Variants in CTNNA3 observed in about 807,000 individuals in gnomAD.
The protein encoded by CTNNA3 is catenin alpha 3.
A neutral mutation model predicts 95.7 loss-of-function variants in CTNNA3; 76 were observed. The ratio of observed to expected loss-of-function variants is 0.79; its 90% confidence interval spans 0.66 to 0.96. CTNNA3 has a LOEUF of 0.96. Among genes scored for constraint, CTNNA3 ranks in the 40% least tolerant of loss-of-function variants. CTNNA3 has a pLI of 0.00. For missense variants in CTNNA3, 1,191 were observed against 1,089.8 expected (o/e 1.09, Z -1.31); for synonymous variants, 431 against 374.4 (o/e 1.15, Z -1.74).
Position 67,149,473 on chromosome 10 carries a change from T to C in CTNNA3, c.1047+30844A>G, listed in dbSNP as rs748002428. On this transcript the variant is annotated intron_variant, in intron 7 of 17. Transcript: ENST00000433211. ...GGTGACAGGCGCCTGTAGTCCCAGC[T>C]TCTCGGGAGGCTGAGGCAGGAAAAT... Among the ~76,000 whole-genome samples the C allele has an allele frequency of 1.1e-4, 17 of 152,026 alleles. 1 individual carries two copies. Among genetic ancestry groups the C allele is most frequent in the Non-Finnish European group, 2.1e-4 (14 of 67,978 alleles).
At chr10:67,586,555 A>G (rs1842633985) in intron 3 of CTNNA3, among the ~76,000 whole-genome samples, 1 of 152,104 alleles carries the variant, frequency 6.6e-6, no homozygotes, top group Admixed American at 6.6e-5. Flanking sequence ...CTATCATTAT[A>G]TAATGATCTT....
intron 10 of CTNNA3, among the ~76,000 whole-genome samples, chr10:66,605,300 T>C (rs1844079044): frequency 6.6e-6 from 1 of 152,094 alleles, no homozygotes. Flanking sequence ...AAGATAAATA[T>C]GAGATTATGT....
chr10:67,646,868 CAG>C (rs1384131788), intron 2 of CTNNA3, among the ~76,000 whole-genome samples: 1 of 152,070 alleles, frequency 6.6e-6, no homozygotes, highest in African/African-American at 2.4e-5. Context: ...TAAAAAAAGT[CAG>C]AGAATCATTA....
intron 5 of CTNNA3, among the ~76,000 whole-genome samples, chr10:67,519,661 C>T (rs1483863906): frequency 6.6e-6 from 1 of 152,106 alleles, no homozygotes; most frequent in Non-Finnish European, 1.5e-5. Flanking sequence ...TTAAAGGTGA[C>T]AGACGAGGCC....
chr10:66,356,117 G>GTTTTTTT (rs1275052192), intron 12 of CTNNA3, among the ~76,000 whole-genome samples: 2 of 104,728 alleles, frequency 1.9e-5, no homozygotes, highest in African/African-American at 7.8e-5. Context: ...TTGTTTGCTT[G>GTTTTTTT]TTTTGTTTTT....
intron 5 of CTNNA3, among the ~76,000 whole-genome samples, chr10:67,276,934 A>G (rs1839200583): frequency 1.3e-5 from 2 of 152,166 alleles, no homozygotes; most frequent in African/African-American, 2.4e-5. Flanking sequence ...GTTTTATAAC[A>G]TATGTTCATC....
chr10:67,587,534 T>A (rs1216696988), intron 3 of CTNNA3, among the ~76,000 whole-genome samples: 2 of 152,178 alleles, frequency 1.3e-5, no homozygotes, highest in African/African-American at 4.8e-5. Flanking sequence ...GAATATATCA[T>A]GCAATTCTTT....
chr10:66,487,497 A>G (rs1839780671), intron 11 of CTNNA3, among the ~76,000 whole-genome samples: 1 of 151,972 alleles, frequency 6.6e-6, no homozygotes, highest in South Asian at 2.1e-4. Context: ...AAGTGCTGAG[A>G]TTACAGGCGC....
intron 5 of CTNNA3, among the ~76,000 whole-genome samples, chr10:67,220,712 G>C (rs1370146493): frequency 6.6e-6 from 1 of 152,070 alleles, no homozygotes; most frequent in Non-Finnish European, 1.5e-5. Flanking sequence ...GAGAAGAGAG[G>C]AAAGAGAATG....
At chr10:66,422,505 G>A (rs1279885968) in intron 11 of CTNNA3, among the ~76,000 whole-genome samples, 1 of 151,750 alleles carries the variant, frequency 6.6e-6, no homozygotes, top group Non-Finnish European at 1.5e-5. Flanking sequence ...CATCATTGAT[G>A]ATCTTTTTGT....
rs3057678 is a variant in CTNNA3, at chr10:67,350,910, GTATA to G, written c.580-131044_580-131041del. Among the ~76,000 whole-genome samples the G allele has an allele frequency of 7.4e-3, 1,044 of 141,810 alleles. 22 individuals are homozygous for G. Among genetic ancestry groups the G allele is most frequent in the African/African-American group, 0.025 (976 of 38,704 alleles). The allele number at this position is 141,810 out of a possible 152,430, so 93.0% of individuals were successfully genotyped here. A position where few individuals can be genotyped will look rare whatever the true frequency, so the allele number is the denominator to read the frequency against. On this transcript the variant is annotated intron_variant, in intron 5 of 17. Transcript: ENST00000433211. ...AAATCTGTATGTGAAAAAAGTATGT[GTATA>G]TATATATATATATATATGCATTATT...
At chr10:66,936,023 T>A (rs1847675761) in intron 7 of CTNNA3, among the ~76,000 whole-genome samples, 2 of 152,164 alleles carry the variant, frequency 1.3e-5, no homozygotes, top group South Asian at 4.1e-4. Flanking sequence ...GCCAGTATAG[T>A]GTTCCTTCCA....
intron 6 of CTNNA3, among the ~76,000 whole-genome samples, chr10:67,198,141 G>A (rs1395677190): frequency 6.6e-6 from 1 of 152,112 alleles, no homozygotes; most frequent in African/African-American, 2.4e-5. Flanking sequence ...CATGTGAGTA[G>A]TGGCTACTAT....
chr10:66,508,340 C>T (rs1294663732), intron 11 of CTNNA3, among the ~76,000 whole-genome samples: 16 of 151,566 alleles, frequency 1.1e-4, no homozygotes, highest in Non-Finnish European at 2.9e-5. Context: ...TTAGAAACGG[C>T]GTTCACTTCA....
intron 7 of CTNNA3, among the ~76,000 whole-genome samples, chr10:67,002,854 A>AT (rs1851763262): frequency 6.6e-6 from 1 of 152,130 alleles, no homozygotes; most frequent in African/African-American, 2.4e-5. Context: ...ATAAAAAACA[A>AT]TTTTTTAATA....
At chr10:66,790,235 G>A (rs1323972682) in intron 7 of CTNNA3, among the ~76,000 whole-genome samples, 1 of 152,148 alleles carries the variant, frequency 6.6e-6, no homozygotes, top group East Asian at 1.9e-4. Flanking sequence ...GATCGCCTGA[G>A]GTCAGGAGTT....
At chr10:66,018,566 T>C (rs557827519) in intron 15 of CTNNA3, among the ~76,000 whole-genome samples, 14 of 152,246 alleles carry the variant, frequency 9.2e-5, no homozygotes, top group African/African-American at 2.9e-4. Context: ...TATATTGCAA[T>C]ATTACTTACT....
rs548542397 is a variant in CTNNA3 at position 66,920,213 on chromosome 10, A to G, written c.1048-144689T>C. Among the ~76,000 whole-genome samples, 67 of 152,340 alleles carry G rather than the reference A, an allele frequency of 4.4e-4. No homozygotes were observed. In the Middle Eastern group the frequency reaches 0.014, roughly 31 times the overall value. On this transcript the variant is annotated intron_variant, in intron 7 of 17. Coordinates refer to ENST00000433211, the MANE Select transcript of CTNNA3 (RefSeq NM_013266.4). ...ATCTGTAACACTTTATAAATATTGT[A>G]CAATGTACTTACTCATAAATCATGA...
At chr10:66,368,121 A>C (rs1489620035) in intron 12 of CTNNA3, among the ~76,000 whole-genome samples, 2 of 82,472 alleles carry the variant, frequency 2.4e-5, no homozygotes, top group East Asian at 6.3e-4. Context: ...ATTTCTCAAG[A>C]AGATCTACAC....
Sources: gnomAD v4.1 joint callset for allele counts (sites outside exome capture counted in the v4.1 genomes callset) on GRCh38, gnomAD v4.1.1 for gene constraint, MANE v1.5 for transcripts, NCBI Gene and HGNC (gene_info 2026-07-23, HGNC 2026-07-21) for gene names.